The following BAHD1 variants were observed in gnomAD, a reference collection of about 807,000 sequenced individuals.
BAHD1 encodes the protein bromo adjacent homology domain-containing 1 protein.
BAHD1 carries 20 observed loss-of-function variants against 63.1 expected under a neutral mutation model. That is an observed-to-expected ratio of 0.32 (90% CI 0.22 to 0.46). The LOEUF (loss-of-function observed/expected upper bound fraction) is 0.46, where lower values mean the gene tolerates loss of function less well. BAHD1 is among the 20% of genes least tolerant of loss of function. BAHD1 has a pLI of 1.00. For missense variants in BAHD1, 939 were observed against 1,071.8 expected, an observed-to-expected ratio of 0.88 and a Z score of 1.73; for synonymous variants, 408 against 426.8, an observed-to-expected ratio of 0.96 and a Z score of 0.54.
chr15:40,443,968 G>A (rs1893469624), intron 1 of BAHD1, among the ~76,000 whole-genome samples: 1 of 152,084 alleles, frequency 6.6e-6, no homozygotes, highest in South Asian at 2.1e-4. Flanking sequence ...CCTTAGTCTG[G>A]TTGTTGCTCA....
intron 1 of BAHD1, among the ~76,000 whole-genome samples, chr15:40,448,526 C>G (rs1404617504): frequency 6.6e-6 from 1 of 151,388 alleles, no homozygotes; most frequent in Admixed American, 6.6e-5. Flanking sequence ...GATGGCTCAC[C>G]TCTGTCCTCA....
upstream of BAHD1, among the ~76,000 whole-genome samples, chr15:40,440,552 GC>G (rs1403261531): frequency 6.8e-6 from 1 of 146,418 alleles, no homozygotes; most frequent in Non-Finnish European, 1.5e-5. Context: ...GATGGCCAGG[GC>G]GGGGGGAGAT....
intron 1 of BAHD1, among the ~76,000 whole-genome samples, chr15:40,452,234 T>C (rs1009765628): frequency 1.3e-5 from 2 of 152,152 alleles, no homozygotes; most frequent in Non-Finnish European, 2.9e-5. Flanking sequence ...CAAGTGAGGC[T>C]GTATGGGCAC....
chr15:40,447,613 A>AAT (rs989858288), intron 1 of BAHD1, among the ~76,000 whole-genome samples: 1 of 149,208 alleles, frequency 6.7e-6, no homozygotes. Flanking sequence ...TAAATAAATA[A>AAT]AAATAAAAAT....
chr15:40,448,001 G>A (rs1893592919), intron 1 of BAHD1, among the ~76,000 whole-genome samples: 1 of 152,164 alleles, frequency 6.6e-6, no homozygotes, highest in Non-Finnish European at 1.5e-5. Context: ...TATAATCCCA[G>A]CACTTTGGGA....
chr15:40,443,350 C>T (rs1251181603), intron 1 of BAHD1: 20 of 974,726 alleles, frequency 2.1e-5, no homozygotes, highest in Non-Finnish European at 2.4e-5. Context: ...ACTCAGGAGG[C>T]TAAAGTTTGT....
Position 40,462,017 on chromosome 15 carries a change from C to T in BAHD1, c.1538C>T (p.Pro513Leu). The change falls in exon 3 of 7, where the codon CCT becomes CTT. Residue 513 changes from proline (P) to leucine (L), a missense_variant. Physicochemically the swap from Pro to Leu is moderately conservative, Grantham distance 98 (BLOSUM62 -3). Around this residue, in one of 5 missense-constraint regions of BAHD1, gnomAD observed 797 missense variants for 813.3 expected, o/e 0.98. Transcript: ENST00000416165. ...LLGCPVPSVP[P>L]AAEPVPHLQT... is the part of the protein sequence containing the mutation. ...GGGTGCCCTGTACCCAGTGTGCCACCTGCAGCAGAGCCCGTCCCCCATCTT... is the reference window on the plus strand; with the variant it reads ...GGGTGCCCTGTACCCAGTGTGCCACTTGCAGCAGAGCCCGTCCCCCATCTT... 1 of 1,613,954 alleles carries T rather than the reference C, an allele frequency of 6.2e-7. No individual in the cohort carries two copies. Among genetic ancestry groups the T allele is most frequent in the Non-Finnish European group, 8.5e-7 (1 of 1,180,030 alleles).
chr15:40,445,065 G>A (rs935650941), intron 1 of BAHD1, among the ~76,000 whole-genome samples: 1 of 152,052 alleles, frequency 6.6e-6, no homozygotes, highest in Non-Finnish European at 1.5e-5. Context: ...CTTTAGCTGT[G>A]TTTGCTGTGT....
At chr15:40,461,835 CAGG>C in intron 2 of BAHD1, 74 bp from the exon 3 acceptor site, 2 of 1,499,122 alleles carry the variant, frequency 1.3e-6, no homozygotes, top group Non-Finnish European at 1.8e-6. Context: ...AGAATTAAGA[CAGG>C]AGCAGGCTCT....
rs1045745126 is a variant in BAHD1, at chr15:40,445,920, G to A, written c.-15+4652G>A. Among the ~76,000 whole-genome samples, 3 of 152,218 alleles carry A rather than the reference G, an allele frequency of 2.0e-5. No individual in the cohort carries two copies. The East Asian group carries it at 5.8e-4, about 29-fold the overall frequency. On this transcript the variant is annotated intron_variant, in intron 1 of 6. Coordinates refer to ENST00000416165, the MANE Select transcript of BAHD1 (RefSeq NM_014952.5). ...ACTCCCACTCTGCAGGTTTCCTGGC[G>A]TTGACTTGATGGGCCAGCTCATGGC...
chr15:40,449,942 C>T (rs1466269014), intron 1 of BAHD1, among the ~76,000 whole-genome samples: 9 of 152,062 alleles, frequency 5.9e-5, no homozygotes, highest in Non-Finnish European at 1.3e-4. Flanking sequence ...ACAGTGGACT[C>T]CTGGGGATGG....
intron 1 of BAHD1, among the ~76,000 whole-genome samples, chr15:40,449,147 C>T (rs1893632340): frequency 6.6e-6 from 1 of 151,806 alleles, no homozygotes; most frequent in African/African-American, 2.4e-5. Flanking sequence ...TGTTTTTTTT[C>T]CTTGTTAGGA....
Position 40,465,792 on chromosome 15 carries a change from C to T in BAHD1, c.2154-149C>T. ...ATAGCCTGGTGGTTGGCAGAGCAGA[C>T]ATCATCCCTGGGATGGGTGGAGACA... On this transcript the variant is annotated intron_variant, in intron 6 of 6. Transcript: ENST00000416165. The T allele has an allele frequency of 5.0e-6, 4 of 802,106 alleles. 1 individual carries two copies. In the South Asian group the frequency reaches 7.0e-5, roughly 14 times the overall value. The allele number at this position is 802,106 out of a possible 1,614,324, so 49.7% of individuals were successfully genotyped here. A position where few individuals can be genotyped will look rare whatever the true frequency, so the allele number is the denominator to read the frequency against.
At chr15:40,453,171 A>T (rs186821106) in intron 1 of BAHD1, among the ~76,000 whole-genome samples, 1 of 152,142 alleles carries the variant, frequency 6.6e-6, no homozygotes, top group African/African-American at 2.4e-5. Context: ...TCCATCTTAG[A>T]TGAGGGATCT....
Position 40,458,561 on chromosome 15 carries a change from G to T in BAHD1, c.97G>T (p.Gly33Trp), listed in dbSNP as rs1893917560. The T allele has an allele frequency of 6.2e-7, 1 of 1,613,886 alleles. No individual in the cohort carries two copies. The highest frequency in any genetic ancestry group is 1.3e-5 in the African/African-American group (1 of 74,932). ...LQMEDSNMEQ[G>W]VEGVEPGMPE... ...GATGGAAGACAGCAACATGGAGCAGGGGGTTGAGGGTGTGGAGCCAGGCAT... is the reference window on the plus strand; with the variant it reads ...GATGGAAGACAGCAACATGGAGCAGTGGGTTGAGGGTGTGGAGCCAGGCAT... The change falls in exon 2 of 7, where the codon GGG becomes TGG. Residue 33 changes from glycine to tryptophan, a missense_variant. Coordinates refer to ENST00000416165, the MANE Select transcript of BAHD1 (RefSeq NM_014952.5). This position sits in a 1 kb window ranked among gnomAD's most constrained non-coding sequence, Gnocchi z 4.7.
At chr15:40,442,969 C>T (rs890614565) in intron 1 of BAHD1, among the ~76,000 whole-genome samples, 1 of 152,194 alleles carries the variant, frequency 6.6e-6, no homozygotes, top group East Asian at 1.9e-4. Context: ...CCATCTCCCC[C>T]GGTGACCAGC....
rs1294446813 is a variant in BAHD1, at chr15:40,466,052, C to G, written c.2265C>G (p.Asp755Glu). 3 of 1,614,158 alleles carry G rather than the reference C, an allele frequency of 1.9e-6. No individual in the cohort carries two copies. The East Asian group carries it at 6.7e-5, about 36-fold the overall frequency. Residue 755 changes from aspartate to glutamate, a missense_variant, in exon 7 of 7, where the codon GAC (aspartate) becomes GAG (glutamate). Transcript: ENST00000416165. The stretch of plus-strand genomic sequence containing the variant: ...CACCCCACCGCACAGTGCCAGAGGA[C>G]ACGGACCCTGAGCTGGTGTTCCTTT... The part of the protein sequence containing the change: ...STPPHRTVPE[D>E]TDPELVFLCR...
chr15:40,464,176 C>T (rs958583579), intron 4 of BAHD1, 156 bp downstream of exon 4: 35 of 921,664 alleles, frequency 3.8e-5, no homozygotes, highest in Non-Finnish European at 4.8e-5. Context: ...TCTCTGCTGC[C>T]GAGGGCTGTG....
chr15:40,447,491 C>T (rs1048770322), intron 1 of BAHD1, among the ~76,000 whole-genome samples: 3 of 151,376 alleles, frequency 2.0e-5, no homozygotes, highest in Non-Finnish European at 4.4e-5. Flanking sequence ...TGTTTGAACC[C>T]AGGAGACAGA....
Sources: allele counts gnomAD v4.1 joint callset (sites outside exome capture counted in the v4.1 genomes callset), GRCh38; gene constraint gnomAD v4.1.1; regional missense constraint gnomAD v4.1.1; non-coding constraint Gnocchi (gnomAD v3.1); transcripts MANE v1.5; gene names NCBI Gene and HGNC (gene_info 2026-07-23, HGNC 2026-07-21).